Variants in DST observed in about 807,000 individuals in gnomAD.
DST encodes the protein bullous pemphigoid antigen.
Under a neutral mutation model 875.2 loss-of-function variants are expected in DST, and 253 were observed. The observed-to-expected ratio is 0.29, with a 90% CI of 0.26 to 0.32. The LOEUF is 0.32. Ranked by LOEUF, DST falls within the 10% of genes least tolerant of loss-of-function variation. DST has a pLI of 1.00. For synonymous variants in DST, 3,124 were observed against 3,197.1 expected (o/e 0.98, Z 0.77); for missense variants, 8,287 against 9,111.6 (o/e 0.91, Z 3.68).
intron 4 of DST, among the ~76,000 whole-genome samples, chr6:56,826,780 G>A (rs983101836): frequency 6.6e-6 from 1 of 152,032 alleles, no homozygotes; most frequent in African/African-American, 2.4e-5. Context: ...ACAATGTCAC[G>A]ATAAATATCT....
chr6:56,620,874 G>A (rs1426321945), intron 36 of DST, among the ~76,000 whole-genome samples: 1 of 152,164 alleles, frequency 6.6e-6, no homozygotes, highest in Non-Finnish European at 1.5e-5. Flanking sequence ...CAGAGAGGAA[G>A]CCTCAGAAAG....
chr6:56,746,629 G>T (rs192583409), intron 4 of DST, among the ~76,000 whole-genome samples: 1 of 152,172 alleles, frequency 6.6e-6, no homozygotes, highest in African/African-American at 2.4e-5. Flanking sequence ...ATCAGTAGAA[G>T]AGAGTGGAAG....
intron 50 of DST, among the ~76,000 whole-genome samples, chr6:56,574,809 T>A (rs184099939): frequency 6.6e-6 from 1 of 152,206 alleles, no homozygotes; most frequent in Non-Finnish European, 1.5e-5. Flanking sequence ...TTATCACTTA[T>A]TGTCCGAGAA....
At chr6:56,506,165 C>T (rs2096305394) in intron 77 of DST, among the ~76,000 whole-genome samples, 1 of 152,060 alleles carries the variant, frequency 6.6e-6, no homozygotes, top group Non-Finnish European at 1.5e-5. Flanking sequence ...TTTACTTTCA[C>T]TTAAAAAAAA....
At chr6:56,777,186 A>G (rs114698329) in intron 4 of DST, among the ~76,000 whole-genome samples, 1 of 152,110 alleles carries the variant, frequency 6.6e-6, no homozygotes, top group Non-Finnish European at 1.5e-5. Flanking sequence ...AGTACAAGAC[A>G]TTTATGTTTA....
chr6:56,844,872 A>AG (rs2099805432), intron 4 of DST, among the ~76,000 whole-genome samples: 1 of 92,652 alleles, frequency 1.1e-5, no homozygotes, highest in African/African-American at 5.9e-5. Flanking sequence ...ACTCCGTCTC[A>AG]AAAAAAAAAA....
intron 24 of DST, among the ~76,000 whole-genome samples, 181 bp downstream of exon 24, chr6:56,635,408 A>C (rs772936368): frequency 7.9e-5 from 12 of 152,184 alleles, no homozygotes; most frequent in Admixed American, 3.9e-4. Flanking sequence ...AAGCTATCAC[A>C]TTAAAAAAAC....
rs1563261750 is a variant in DST, at chr6:56,623,113, T to C, written c.4929+1417A>G. Among the ~76,000 whole-genome samples the C allele has an allele frequency of 3.3e-5, 5 of 152,314 alleles. No individual in the cohort carries two copies. The South Asian group carries it at 1.0e-3, about 32-fold the overall frequency. On this transcript the variant is annotated intron_variant, in intron 36 of 103. Coordinates refer to ENST00000680361, the MANE Select transcript of DST (RefSeq NM_001374736.1). ...GTTCTTCCATAACTGTATTTGCTGG[T>C]TTCAATTAACTACAAATCTTTGACA...
At chr6:56,518,890 G>C (rs891191008) in intron 69 of DST, among the ~76,000 whole-genome samples, 1 of 152,186 alleles carries the variant, frequency 6.6e-6, no homozygotes, top group African/African-American at 2.4e-5. Context: ...AGAAAGATGG[G>C]TGGAGATAAG....
chr6:56,485,594 C>T, intron 87 of DST, 123 bp from the exon 88 acceptor site: 1 of 934,412 alleles, frequency 1.1e-6, no homozygotes, highest in Non-Finnish European at 1.6e-6. Context: ...TGTTGGTATT[C>T]ATTGTTGTTT....
rs1245541628 is a variant in DST, at chr6:56,602,985, G to C, written c.11204C>G (p.Ser3735Ter). ...CTTCTCTGATACCCAATCTGAGAAT[G>C]ACTTAAGTTTATGCAGAAATTCTTC... Reference protein sequence around the residue: ...SHEEFLHKLKSFSDWVSEKSK... With the variant: ...SHEEFLHKLK The change falls in exon 43 of 104, where the codon TCA becomes TGA. Residue 3735 changes from serine to a stop codon, truncating the protein, a stop_gained. Coordinates refer to ENST00000680361, the MANE Select transcript of DST (RefSeq NM_001374736.1). LOFTEE classifies it high-confidence loss of function. 6.3e-7 allele frequency: 1 copy of C among 1,590,804 alleles called. No homozygotes were observed. The highest frequency in any genetic ancestry group is 8.5e-7 in the Non-Finnish European group (1 of 1,173,560).
At chr6:56,810,355 C>T (rs7452061) in intron 4 of DST, among the ~76,000 whole-genome samples, 1 of 152,126 alleles carries the variant, frequency 6.6e-6, no homozygotes, top group Admixed American at 6.6e-5. Context: ...GATACCACCC[C>T]TTCCAGAAAT....
chr6:56,629,148 A>T, intron 32 of DST, 102 bp downstream of exon 32: 1 of 1,144,722 alleles, frequency 8.7e-7, no homozygotes, highest in Non-Finnish European at 1.3e-6. Flanking sequence ...TTAACAAATT[A>T]ACTATGGAAG....
At chr6:56,500,143 C>T (rs1324268549) in intron 80 of DST, among the ~76,000 whole-genome samples, 2 of 150,810 alleles carry the variant, frequency 1.3e-5, no homozygotes, top group African/African-American at 5.0e-5. Flanking sequence ...GTGCTAAAAA[C>T]CTACCTTTTT....
rs2098758967 is a variant in DST, at chr6:56,629,399, G to T, written c.4326C>A (p.Ala1442=). 1 of 1,613,424 alleles carries T rather than the reference G, an allele frequency of 6.2e-7. No individual in the cohort carries two copies. ...TAGCTTTCTGCAACTCATCCTCTAA[G>T]GCATGGAATACCTGTCTCTTTTCAT... ...EVDEKRQVFH[A]LEDELQKAKA... is the part of the protein sequence containing the mutation. Residue 1442 remains alanine (A), a synonymous_variant, in exon 32 of 104, where the codon GCC becomes GCA. Coordinates refer to ENST00000680361, the MANE Select transcript of DST (RefSeq NM_001374736.1).
At chr6:56,485,616 T>C in intron 87 of DST, 145 bp from the exon 88 acceptor site, 1 of 835,334 alleles carries the variant, frequency 1.2e-6, no homozygotes. Context: ...TTTGCTCTTC[T>C]TAGGAAAAAG....
At position 56,597,739 on chromosome 6, in the gene DST, C is replaced by A; in HGVS notation, c.12195+1G>T. The A allele has an allele frequency of 6.2e-7, 1 of 1,612,838 alleles. No homozygotes were observed. Among genetic ancestry groups the A allele is most frequent in the Non-Finnish European group, 8.5e-7 (1 of 1,179,106 alleles). On this transcript the variant is annotated splice_donor_variant, in intron 47 of 103. Transcript: ENST00000680361. LOFTEE classifies it high-confidence loss of function. ...GATATCATATGTTTATAACAACACACCTTAACTTTCTGATATTGCTGATTC... is the reference window on the plus strand; with the variant it reads ...GATATCATATGTTTATAACAACACAACTTAACTTTCTGATATTGCTGATTC...
chr6:56,573,432 A>G (rs1000688005), intron 51 of DST, among the ~76,000 whole-genome samples: 4 of 152,208 alleles, frequency 2.6e-5, no homozygotes, highest in Non-Finnish European at 4.4e-5. Context: ...GATAAGACTC[A>G]ATGTATGCAT....
At chr6:56,882,674 A>T (rs1782768201) in intron 3 of DST, among the ~76,000 whole-genome samples, 1 of 152,266 alleles carries the variant, frequency 6.6e-6, no homozygotes, top group Non-Finnish European at 1.5e-5. Context: ...ACTCAAATCA[A>T]TTAAGCAACT....
Sources: allele counts gnomAD v4.1 joint callset (sites outside exome capture counted in the v4.1 genomes callset), GRCh38; gene constraint gnomAD v4.1.1; transcripts MANE v1.5; gene names NCBI Gene and HGNC (gene_info 2026-07-23, HGNC 2026-07-21).